Variants in DNAJC5 observed in about 807,000 individuals in gnomAD.
DNAJC5 encodes the protein dnaJ homolog subfamily C member 5.
In DNAJC5, 1 loss-of-function variant was observed where a neutral mutation model predicts 23.2. That is an observed-to-expected ratio of 0.04 (90% CI 0.02 to 0.20). The LOEUF (loss-of-function observed/expected upper bound fraction) is 0.20, where lower values mean the gene tolerates loss of function less well. Among genes scored for constraint, DNAJC5 ranks in the 10% least tolerant of loss-of-function variants. The pLI is 1.00. For missense variants in DNAJC5, 180 were observed against 267.0 expected (o/e 0.67, Z 2.27); for synonymous variants, 136 against 120.0 (o/e 1.13, Z -0.87).
rs923582937 is a variant in DNAJC5, at chr20:63,931,517, C to T, written c.546C>T (p.Thr182=). The T allele has an allele frequency of 6.3e-6, 10 of 1,583,976 alleles. No homozygotes were observed. The highest frequency in any genetic ancestry group is 8.5e-6 in the Non-Finnish European group (10 of 1,169,636). Residue 182 remains threonine (T), a synonymous_variant, in exon 5 of 5, where the codon ACC becomes ACT. Transcript: ENST00000360864. This position sits in a 1 kb window ranked among gnomAD's most constrained non-coding sequence, Gnocchi z 9.6. ...AGCCGGCATCCGCCACCGAGACCAC[C>T]CAGCTCACAGCCGACTCCCACCCCA... ...VIQPASATET[T]QLTADSHPSY...
chr20:63,915,521 T>C (rs1374304904), intron 1 of DNAJC5, among the ~76,000 whole-genome samples: 1 of 151,706 alleles, frequency 6.6e-6, no homozygotes, highest in African/African-American at 2.4e-5. Context: ...TTTTAACCAG[T>C]GAAGGGTCGG....
chr20:63,911,133 A>G (rs541185026), intron 1 of DNAJC5, among the ~76,000 whole-genome samples: 44 of 152,374 alleles, frequency 2.9e-4, no homozygotes, highest in African/African-American at 1.0e-3. Context: ...TGCAGCAAAC[A>G]TTCACTGAAT....
Position 63,931,631 on chromosome 20 carries a change from G to A in DNAJC5, c.*63G>A. The A allele has an allele frequency of 2.0e-6, 3 of 1,468,754 alleles. No individual in the cohort carries two copies. The highest frequency in any genetic ancestry group is 1.8e-6 in the Non-Finnish European group (2 of 1,084,394). 91.0% of individuals were successfully genotyped at this position (1,468,754 alleles called of 1,614,324 possible). On this transcript the variant is annotated 3_prime_UTR_variant, in exon 5 of 5. Coordinates refer to ENST00000360864, the MANE Select transcript of DNAJC5 (RefSeq NM_025219.3). This position sits in a 1 kb window ranked among gnomAD's most constrained non-coding sequence, Gnocchi z 9.6. ...CTGGCCACGCCAACCTTAGAATCATGAACTGTAGTCACAGAGATGGGAAGG... is the reference window on the plus strand; with the variant it reads ...CTGGCCACGCCAACCTTAGAATCATAAACTGTAGTCACAGAGATGGGAAGG...
chr20:63,918,411 C>A (rs1233076431), intron 1 of DNAJC5, among the ~76,000 whole-genome samples: 1 of 151,976 alleles, frequency 6.6e-6, no homozygotes, highest in African/African-American at 2.4e-5. Flanking sequence ...TTTTTAAGCT[C>A]AAAAAATTAA....
intron 1 of DNAJC5, among the ~76,000 whole-genome samples, chr20:63,917,861 C>A (rs2427553): frequency 0.34 from 52,298 of 152,044 alleles, 10,732 homozygotes; most frequent in East Asian, 0.81. Flanking sequence ...AGGTGTGTAC[C>A]TAGTAGTGCT....
chr20:63,913,871 G>A lies in DNAJC5; in HGVS notation c.-11-14464G>A, dbSNP rs911779738. Among the ~76,000 whole-genome samples the A allele has an allele frequency of 5.9e-5, 9 of 152,292 alleles. 1 individual carries two copies. The highest frequency in any genetic ancestry group is 6.8e-3 in the Middle Eastern group (2 of 294). ...TGGGATTGCAGGCGTGAGCCACCGCGCCAGGCCCTAACAGCCACCTTCTTA... is the reference window on the plus strand; with the variant it reads ...TGGGATTGCAGGCGTGAGCCACCGCACCAGGCCCTAACAGCCACCTTCTTA... On this transcript the variant is annotated intron_variant, in intron 1 of 4. Transcript: ENST00000360864.
intron 1 of DNAJC5, among the ~76,000 whole-genome samples, chr20:63,924,768 G>A (rs1349294157): frequency 6.6e-6 from 1 of 152,262 alleles, no homozygotes; most frequent in Non-Finnish European, 1.5e-5. Context: ...GAGCCTGGGA[G>A]GCGGAGGTTG....
chr20:63,908,347 G>A (rs752082342), intron 1 of DNAJC5, among the ~76,000 whole-genome samples: 1 of 152,212 alleles, frequency 6.6e-6, no homozygotes, highest in African/African-American at 2.4e-5. Flanking sequence ...GCGGGTTCCC[G>A]CTGGAAGTGC....
intron 1 of DNAJC5, among the ~76,000 whole-genome samples, chr20:63,895,887 C>G (rs559068113): frequency 4.6e-5 from 7 of 152,198 alleles, no homozygotes; most frequent in Admixed American, 6.5e-5. Context: ...ACATTTGAAG[C>G]CATGCTTTAT....
At chr20:63,923,978 A>G (rs928659746) in intron 1 of DNAJC5, among the ~76,000 whole-genome samples, 5 of 152,120 alleles carry the variant, frequency 3.3e-5, no homozygotes, top group Admixed American at 6.5e-5. Context: ...CATAATGTAA[A>G]TATTTTCTCC....
At chr20:63,906,859 A>G (rs1018366927) in intron 1 of DNAJC5, among the ~76,000 whole-genome samples, 1 of 152,064 alleles carries the variant, frequency 6.6e-6, no homozygotes, top group Non-Finnish European at 1.5e-5. Flanking sequence ...ATCCCAGCAC[A>G]TTGGGAGTCT....
chr20:63,930,793 G>A, intron 3 of DNAJC5, 58 bp from the exon 4 acceptor site: 1 of 1,608,668 alleles, frequency 6.2e-7, no homozygotes, highest in Non-Finnish European at 8.5e-7. Flanking sequence ...TGGGAGTCCT[G>A]CGCCTCCCTC....
chr20:63,927,457 T>G (rs1457020600), intron 1 of DNAJC5, among the ~76,000 whole-genome samples: 1 of 152,184 alleles, frequency 6.6e-6, no homozygotes, highest in Admixed American at 6.5e-5. Context: ...GGAGCATTGC[T>G]TGAACCGGGG....
intron 1 of DNAJC5, among the ~76,000 whole-genome samples, chr20:63,915,887 G>A (rs532136963): frequency 8.5e-5 from 13 of 152,202 alleles, no homozygotes; most frequent in Non-Finnish European, 1.6e-4. Context: ...CAACAAAAGT[G>A]ACTAGCTAGT....
In DNAJC5 at chr20:63,928,484, C is replaced by G. The variant is rs536944251; in HGVS notation, c.107+32C>G. The G allele has an allele frequency of 3.2e-6, 5 of 1,567,116 alleles. No individual in the cohort carries two copies. The highest frequency in any genetic ancestry group is 1.1e-5 in the South Asian group (1 of 90,068). ...GGACAAGTGTGGCCCCCACATCCCC[C>G]CAGGAAGACACACATGCCCCGTGTG... On this transcript the variant is annotated intron_variant, in intron 2 of 4. Transcript: ENST00000360864. The surrounding 1 kb of genome is among the most constrained non-coding windows in gnomAD (Gnocchi z 4.6).
intron 1 of DNAJC5, among the ~76,000 whole-genome samples, chr20:63,926,459 G>A (rs991486535): frequency 7.9e-5 from 12 of 152,196 alleles, no homozygotes; most frequent in African/African-American, 1.4e-4. Context: ...TTCCTGAGGC[G>A]GAGCCTTAGG....
chr20:63,895,670 G>A (rs1333279444), intron 1 of DNAJC5, among the ~76,000 whole-genome samples: 1 of 151,984 alleles, frequency 6.6e-6, no homozygotes, highest in Non-Finnish European at 1.5e-5. Context: ...CAACCCCCCG[G>A]GGTCTCCTCT....
intron 1 of DNAJC5, among the ~76,000 whole-genome samples, chr20:63,925,825 G>T (rs1258438282): frequency 5.3e-4 from 66 of 123,948 alleles, no homozygotes; most frequent in South Asian, 4.6e-3. Context: ...ATTTTATCTG[G>T]TTTTTTTTTT....
intron 1 of DNAJC5, among the ~76,000 whole-genome samples, chr20:63,918,670 A>G (rs1305603371): frequency 6.6e-6 from 1 of 152,124 alleles, no homozygotes; most frequent in Non-Finnish European, 1.5e-5. Flanking sequence ...ATCTCGGCTC[A>G]CGGCAAGCTC....
Sources: gnomAD v4.1 joint callset for allele counts (sites outside exome capture counted in the v4.1 genomes callset) on GRCh38, gnomAD v4.1.1 for gene constraint, Gnocchi (gnomAD v3.1) non-coding constraint, MANE v1.5 for transcripts, NCBI Gene and HGNC (gene_info 2026-07-23, HGNC 2026-07-21) for gene names.